Variants in NRAP observed in about 807,000 individuals in gnomAD.
NRAP encodes the protein nebulin-related-anchoring protein.
In NRAP, 189 loss-of-function variants were observed where a neutral mutation model predicts 225.9. The ratio of observed to expected loss-of-function variants is 0.84; its 90% CI spans 0.74 to 0.94. The LOEUF (loss-of-function observed/expected upper bound fraction) is 0.94. Ranked by LOEUF, NRAP falls within the 40% of genes least tolerant of loss-of-function variation. The probability of loss-of-function intolerance (pLI) is 0.00; values close to 1 mark genes in which losing one functional copy is unlikely to be tolerated. For synonymous variants in NRAP, 769 were observed against 790.7 expected (o/e 0.97, Z 0.46); for missense variants, 2,176 against 2,168.7 (o/e 1.00, Z -0.07).
chr10:113,632,072 G>A, intron 16 of NRAP, 108 bp from the exon 17 acceptor site: 1 of 715,052 alleles, frequency 1.4e-6, no homozygotes, highest in Non-Finnish European at 2.5e-6. Flanking sequence ...ACAGACCAGA[G>A]GCTCGGCTGT....
Position 113,605,822 on chromosome 10 carries a change from C to A in NRAP, c.3855G>T (p.Lys1285Asn). 6.2e-7 allele frequency: 1 copy of A among 1,614,174 alleles called. No homozygotes were observed. The highest frequency in any genetic ancestry group is 8.5e-7 in the Non-Finnish European group (1 of 1,180,012). ...SWRNLRAQGY[K>N]LTIEALPFQA... ...GGAAGGGGAGCGCTTCTATTGTCAG[C>A]TTGTAGCCTTGAGCACGAAGATTAC... is the stretch of plus-strand genomic sequence containing the variant. Residue 1285 changes from lysine to asparagine, a missense_variant, in exon 34 of 42, where the codon AAG becomes AAT. This residue lies in a region of NRAP where 1,708 missense variants were observed against 1,695.5 expected (regional missense o/e 1.01). Coordinates refer to ENST00000359988, the MANE Select transcript of NRAP (RefSeq NM_198060.4).
At chr10:113,605,595 T>C (rs1246799822) in intron 34 of NRAP, among the ~76,000 whole-genome samples, 167 bp downstream of exon 34, 1 of 152,254 alleles carries the variant, frequency 6.6e-6, no homozygotes, top group African/African-American at 2.4e-5. Flanking sequence ...AGAGCCTTTC[T>C]TTTCCCCCCT....
At position 113,588,852 on chromosome 10, in the gene NRAP, A is replaced by C. The variant is rs1845742293; in HGVS notation, c.*123T>G. On this transcript the variant is annotated 3_prime_UTR_variant, in exon 42 of 42. Transcript: ENST00000359988. Reference sequence around the variant, plus strand: ...ATCTGCTTTCAGAGTTATTATTTTAATAAAGGAAGATCTGGGATGGGCTGG... The same window carrying C: ...ATCTGCTTTCAGAGTTATTATTTTACTAAAGGAAGATCTGGGATGGGCTGG... The C allele has an allele frequency of 1.1e-5, 8 of 720,038 alleles. No homozygotes were observed. The highest frequency in any genetic ancestry group is 2.3e-5 in the Admixed American group (1 of 44,148). The allele number at this position is 720,038 out of a possible 1,614,324, so 44.6% of individuals were successfully genotyped here. A position where few individuals can be genotyped will look rare whatever the true frequency, so the allele number is the denominator to read the frequency against.
In NRAP at chr10:113,628,900, GC is replaced by G. The variant is rs1264343962; in HGVS notation, c.2145+16del. On this transcript the variant is annotated intron_variant, in intron 20 of 41. Coordinates refer to ENST00000359988, the MANE Select transcript of NRAP (RefSeq NM_198060.4). ...GGCTGAGGACTACTGGAGGCCAGAG[GC>G]CCCAGTGCAGGTTACCTCGCTGACC... 1 of 1,466,794 alleles carries G rather than the reference GC, an allele frequency of 6.8e-7. No individual in the cohort carries two copies. The highest frequency in any genetic ancestry group is 2.3e-5 in the East Asian group (1 of 43,360). The allele number at this position is 1,466,794 out of a possible 1,614,324, so 90.9% of individuals were successfully genotyped here. A position where few individuals can be genotyped will look rare whatever the true frequency, so the allele number is the denominator to read the frequency against.
At chr10:113,600,194 T>G (rs367701465) in intron 35 of NRAP, among the ~76,000 whole-genome samples, 1 of 149,324 alleles carries the variant, frequency 6.7e-6, no homozygotes, top group Non-Finnish European at 1.5e-5. Context: ...TCTCTGGAGA[T>G]GGGGTCTCTC....
chr10:113,663,515 T>C, intron 1 of NRAP, 69 bp from the exon 2 acceptor site: 1 of 1,008,676 alleles, frequency 9.9e-7, no homozygotes, highest in Non-Finnish European at 1.5e-6. Context: ...TTATATATTT[T>C]AGGGTAAAAA....
At chr10:113,626,552 T>A (rs1173108676) in intron 20 of NRAP, among the ~76,000 whole-genome samples, 1 of 152,126 alleles carries the variant, frequency 6.6e-6, no homozygotes, top group Non-Finnish European at 1.5e-5. Context: ...CAATCCAACC[T>A]GAGCCACCCT....
At position 113,608,506 on chromosome 10, in the gene NRAP, A is replaced by G; in HGVS notation, c.3610T>C (p.Tyr1204His). 1 of 1,606,618 alleles carries G rather than the reference A, an allele frequency of 6.2e-7. No individual in the cohort carries two copies. The highest frequency in any genetic ancestry group is 1.7e-4 in the Middle Eastern group (1 of 6,048). The change falls in exon 32 of 42, where the codon TAT (tyrosine) becomes CAT (histidine). Residue 1204 changes from tyrosine to histidine, a missense_variant. Tyr to His is a moderately conservative substitution (Grantham distance 83). Around this residue, in one of 3 missense-constraint regions of NRAP, gnomAD observed 1,708 missense variants for 1,695.5 expected, o/e 1.01. Coordinates refer to ENST00000359988, the MANE Select transcript of NRAP (RefSeq NM_198060.4). ...KASELISESK[Y>H]RQHPHSFKYT... ...TTGAATGAGTGGGGATGCTGCCGAT[A>G]TTTACTCTGAATTCACACACAAGAA...
rs1296621998 is a variant in NRAP at position 113,590,968 on chromosome 10, G to A, written c.4645-79C>T. The A allele has an allele frequency of 6.2e-6, 8 of 1,285,032 alleles. 1 individual carries two copies. The highest frequency in any genetic ancestry group is 2.6e-5 in the South Asian group (2 of 75,716). 79.6% of individuals were successfully genotyped at this position (1,285,032 alleles called of 1,614,324 possible). The stretch of plus-strand genomic sequence containing the variant: ...AGCCTCACATATGGGGCCATCCCAG[G>A]GCATTCTCAGCAGGAGGCTCAAGAG... On this transcript the variant is annotated intron_variant, in intron 39 of 41. Transcript: ENST00000359988.
At chr10:113,645,773 T>G (rs1259826996) in intron 11 of NRAP, 52 bp downstream of exon 11, 5 of 934,452 alleles carry the variant, frequency 5.4e-6, no homozygotes. Flanking sequence ...TCACTGACTA[T>G]AGGAGATAAA....
At chr10:113,603,943 A>G (rs546515103) in intron 35 of NRAP, among the ~76,000 whole-genome samples, 86 of 152,158 alleles carry the variant, frequency 5.7e-4, no homozygotes, top group Middle Eastern at 6.8e-3. Context: ...CCTGCTCTAT[A>G]TGTCTCCATA....
intron 29 of NRAP, 85 bp from the exon 30 acceptor site, chr10:113,612,516 T>TG: frequency 9.0e-7 from 1 of 1,108,716 alleles, no homozygotes; most frequent in Non-Finnish European, 1.3e-6. Flanking sequence ...GCAATGCAGT[T>TG]GTCTGGAGGT....
At chr10:113,614,397 A>G (rs1247151174) in intron 28 of NRAP, 101 bp from the exon 29 acceptor site, 5 of 838,050 alleles carry the variant, frequency 6.0e-6, no homozygotes, top group African/African-American at 1.7e-5. Context: ...TTTTGACAGT[A>G]GCTGGGTGAG....
rs112119507 is a variant in NRAP at position 113,620,603 on chromosome 10, C to T, written c.2874+1G>A. The T allele has an allele frequency of 1.9e-6, 3 of 1,596,944 alleles. No homozygotes were observed. The highest frequency in any genetic ancestry group is 2.6e-6 in the Non-Finnish European group (3 of 1,164,362). On this transcript the variant is annotated splice_donor_variant, in intron 25 of 41. Transcript: ENST00000359988. LOFTEE classifies it high-confidence loss of function. ...TGTTACAGGCTGTCAGGAAATCTCACCTCGCTAATGAGTTCTCCTGCCTTC... is the reference window on the plus strand; with the variant it reads ...TGTTACAGGCTGTCAGGAAATCTCATCTCGCTAATGAGTTCTCCTGCCTTC...
chr10:113,653,124 A>G, intron 5 of NRAP, 85 bp from the exon 6 acceptor site: 2 of 716,642 alleles, frequency 2.8e-6, no homozygotes, highest in Non-Finnish European at 4.7e-6. Flanking sequence ...CAATGAAACT[A>G]GATTCATAAA....
chr10:113,596,989 G>A, intron 37 of NRAP, 97 bp downstream of exon 37: 2 of 783,792 alleles, frequency 2.6e-6, no homozygotes, highest in Non-Finnish European at 2.2e-6. Flanking sequence ...AAGAAGGTTT[G>A]CACCCCCATC....
chr10:113,646,938 G>C lies in NRAP; in HGVS notation c.978C>G (p.His326Gln). Residue 326 changes from histidine (H) to glutamine (Q), a missense_variant, in exon 10 of 42, where the codon CAC (histidine) becomes CAG (glutamine). Around this residue, in one of 3 missense-constraint regions of NRAP, gnomAD observed 1,708 missense variants for 1,695.5 expected, o/e 1.01. Transcript: ENST00000359988. Reference sequence around the variant, plus strand: ...TGGTACTTACGTCACTAGCGAGTTCGTGAGCTTTCTTGGCGTTCTGATATG... The same window carrying C: ...TGGTACTTACGTCACTAGCGAGTTCCTGAGCTTTCTTGGCGTTCTGATATG... ...TPAYQNAKKAHELASDIKYRQ... is the reference protein window; with the variant it reads ...TPAYQNAKKAQELASDIKYRQ... The C allele has an allele frequency of 3.1e-6, 5 of 1,613,286 alleles. No homozygotes were observed. Among genetic ancestry groups the C allele is most frequent in the Non-Finnish European group, 4.2e-6 (5 of 1,179,216 alleles).
At chr10:113,657,417 A>G in intron 4 of NRAP, 53 bp downstream of exon 4, 2 of 902,182 alleles carry the variant, frequency 2.2e-6, no homozygotes, top group South Asian at 1.4e-5. Context: ...CACTCAATTG[A>G]CATAGTATGT....
chr10:113,625,713 A>G (rs1848251501), intron 21 of NRAP, among the ~76,000 whole-genome samples: 2 of 152,256 alleles, frequency 1.3e-5, no homozygotes, highest in African/African-American at 4.8e-5. Flanking sequence ...TTCCCCCAAG[A>G]TAATTCTCTC....
Sources: allele counts gnomAD v4.1 joint callset (sites outside exome capture counted in the v4.1 genomes callset), GRCh38; gene constraint gnomAD v4.1.1; regional missense constraint gnomAD v4.1.1; transcripts MANE v1.5; gene names NCBI Gene and HGNC (gene_info 2026-07-23, HGNC 2026-07-21).